LRP2: variants seen among roughly 807,000 people sequenced by gnomAD.
The protein encoded by LRP2 is LDL receptor related protein 2.
In LRP2, 172 loss-of-function variants were observed where a neutral mutation model predicts 531.0. The observed-to-expected ratio is 0.32, with a 90% CI of 0.29 to 0.37. The LOEUF is 0.37. LRP2 is among the 10% of genes least tolerant of loss of function. The pLI, the probability that LRP2 is intolerant of heterozygous loss-of-function variation, is 1.00. For missense variants in LRP2, 5,167 were observed against 5,868.3 expected (o/e 0.88, Z 3.90); for synonymous variants, 1,992 against 2,027.6 (o/e 0.98, Z 0.47).
At position 169,206,651 on chromosome 2, in the gene LRP2, A is replaced by G; in HGVS notation, c.7069T>C (p.Cys2357Arg). 1 of 1,614,176 alleles carries G rather than the reference A, an allele frequency of 6.2e-7. No individual in the cohort carries two copies. The highest frequency in any genetic ancestry group is 8.5e-7 in the Non-Finnish European group (1 of 1,180,024). Residue 2357 changes from cysteine (C) to arginine (R), a missense_variant, in exon 39 of 79, where the codon TGC becomes CGC. Cys to Arg is a radical substitution (Grantham distance 180, BLOSUM62 -3). This residue lies in a region of LRP2 where 2,811 missense variants were observed against 3,058.0 expected (regional missense o/e 0.92). Transcript: ENST00000649046. The stretch of plus-strand genomic sequence containing the variant: ...GTGTGCAATCCAGGCAGAGCAAAGC[A>G]GAGATGAGAGCACCCACCATTGTTT... ...LENNGGCSHL[C>R]FALPGLHTPK...
chr2:169,288,398 A>G (rs1683912301), intron 9 of LRP2, among the ~76,000 whole-genome samples: 1 of 152,226 alleles, frequency 6.6e-6, no homozygotes, highest in Non-Finnish European at 1.5e-5. Context: ...TGTCTAGTTT[A>G]ATGCCAGCCA....
intron 21 of LRP2, among the ~76,000 whole-genome samples, chr2:169,245,653 GC>G (rs1382265072): frequency 6.6e-6 from 1 of 151,512 alleles, no homozygotes; most frequent in African/African-American, 2.4e-5. Flanking sequence ...TGTTTATTAG[GC>G]CCCAAACTAT....
At chr2:169,153,382 A>G (rs1281795472) in intron 66 of LRP2, among the ~76,000 whole-genome samples, 1 of 152,210 alleles carries the variant, frequency 6.6e-6, no homozygotes, top group African/African-American at 2.4e-5. Flanking sequence ...CCTATTTTAT[A>G]TACAGACAGA....
Position 169,296,013 on chromosome 2 carries a change from A to T in LRP2, c.428-1303T>A, listed in dbSNP as rs113011327. ...TGAGATTTTATAGAGATATAAATAT[A>T]TTGAAGATAATTCTTTGGATAGTCC... On this transcript the variant is annotated intron_variant, in intron 4 of 78. Coordinates refer to ENST00000649046, the MANE Select transcript of LRP2 (RefSeq NM_004525.3). Among the ~76,000 whole-genome samples the T allele has an allele frequency of 6.8e-3, 1,039 of 152,246 alleles. 6 individuals are homozygous for T. Among genetic ancestry groups the T allele is most frequent in the Non-Finnish European group, 8.5e-3 (581 of 68,016 alleles).
At chr2:169,200,533 G>T in intron 44 of LRP2, among the ~76,000 whole-genome samples, 1 of 151,888 alleles carries the variant, frequency 6.6e-6, no homozygotes, top group East Asian at 1.9e-4. Flanking sequence ...TGGACAACTG[G>T]GCACCAAGAA....
chr2:169,199,236 T>A (rs1242875535), intron 44 of LRP2, among the ~76,000 whole-genome samples: 2 of 152,234 alleles, frequency 1.3e-5, no homozygotes, highest in East Asian at 3.8e-4. Flanking sequence ...TGGAGTAATA[T>A]GTAGCTATTA....
chr2:169,343,068 T>G (rs1041502228), intron 1 of LRP2, among the ~76,000 whole-genome samples: 2 of 152,168 alleles, frequency 1.3e-5, no homozygotes, highest in African/African-American at 4.8e-5. Flanking sequence ...ACATCTGACC[T>G]CCACTCAGAC....
intron 6 of LRP2, among the ~76,000 whole-genome samples, chr2:169,292,898 G>GA (rs1438609775): frequency 1.3e-5 from 2 of 149,274 alleles, no homozygotes; most frequent in African/African-American, 2.5e-5. Flanking sequence ...GCACAGAACA[G>GA]AAAATGCAGA....
intron 68 of LRP2, 127 bp from the exon 69 acceptor site, chr2:169,147,086 C>T (rs1473395659): frequency 2.7e-6 from 2 of 747,622 alleles, no homozygotes; most frequent in Non-Finnish European, 4.7e-6. Context: ...TCAGTGACAC[C>T]AGTTTTATAT....
intron 70 of LRP2, among the ~76,000 whole-genome samples, chr2:169,143,182 C>T (rs944766552): frequency 6.6e-6 from 1 of 152,154 alleles, no homozygotes; most frequent in African/African-American, 2.4e-5. Flanking sequence ...TTTGTCACTA[C>T]CCAAAACTGG....
chr2:169,233,910 T>G (rs1689506025), intron 29 of LRP2, among the ~76,000 whole-genome samples: 1 of 152,092 alleles, frequency 6.6e-6, no homozygotes, highest in Non-Finnish European at 1.5e-5. Flanking sequence ...CACCTACTAG[T>G]TAAAAGTTAG....
Position 169,209,453 on chromosome 2 carries a change from C to T in LRP2, c.6469G>A (p.Gly2157Arg), listed in dbSNP as rs769830564. 9 of 1,613,666 alleles carry T rather than the reference C, an allele frequency of 5.6e-6. No individual in the cohort carries two copies. The highest frequency in any genetic ancestry group is 2.7e-5 in the African/African-American group (2 of 74,882). The change falls in exon 38 of 79, where the codon GGA becomes AGA. Residue 2157 changes from glycine to arginine, a missense_variant and splice_region_variant. By Grantham distance (125) the Gly-to-Arg change is moderately radical. This residue lies in a region of LRP2 where 2,811 missense variants were observed against 3,058.0 expected (regional missense o/e 0.92). Transcript: ENST00000649046. ...VRGIAVDWVA[G>R]NLYFTNAFVS... ...TAAAATCACCATATAGCTTACATAC[C>T]TGCTACCCAATCCACTGCAATACCC... is the stretch of plus-strand genomic sequence containing the variant.
At chr2:169,231,623 G>T (rs1202181614) in intron 31 of LRP2, 91 bp downstream of exon 31, 103 of 1,497,778 alleles carry the variant, frequency 6.9e-5, no homozygotes, top group Non-Finnish European at 8.5e-5. Context: ...CACAGCACAT[G>T]TTCAGTCGCA....
At chr2:169,226,041 T>A (rs530080349) in intron 32 of LRP2, among the ~76,000 whole-genome samples, 19 of 152,288 alleles carry the variant, frequency 1.2e-4, no homozygotes, top group Non-Finnish European at 1.9e-4. Flanking sequence ...TTTATATTCG[T>A]CGAATATTTT....
intron 58 of LRP2, among the ~76,000 whole-genome samples, chr2:169,171,593 C>T (rs936689076): frequency 2.0e-5 from 3 of 152,154 alleles, no homozygotes; most frequent in Admixed American, 6.5e-5. Context: ...CCTATGAAGG[C>T]CATTTTGGGG....
chr2:169,335,068 G>A (rs558300649), intron 1 of LRP2, among the ~76,000 whole-genome samples: 10 of 152,248 alleles, frequency 6.6e-5, no homozygotes, highest in East Asian at 5.8e-4. Flanking sequence ...CCCAGTCTTC[G>A]GTCAAGGGCA....
At position 169,128,284 on chromosome 2, in the gene LRP2, C is replaced by T. The variant is rs892657844; in HGVS notation, c.*379G>A. ...ATGAGTGGTGCCTCTTCTTTAGACA[C>T]GGCTAAAGGTCCCCAGTCAATTCCT... On this transcript the variant is annotated 3_prime_UTR_variant, in exon 79 of 79. Transcript: ENST00000649046. 13 of 194,080 alleles carry T rather than the reference C, an allele frequency of 6.7e-5. 1 individual carries two copies. The highest frequency in any genetic ancestry group is 5.9e-4 in the East Asian group (4 of 6,728). The allele number at this position is 194,080 out of a possible 1,614,324, so 12.0% of individuals were successfully genotyped here.
chr2:169,327,762 G>T (rs1283541246), intron 1 of LRP2, among the ~76,000 whole-genome samples: 1 of 122,516 alleles, frequency 8.2e-6, no homozygotes, highest in African/African-American at 3.1e-5. Context: ...AGGTGGGGGG[G>T]TCAGCCCCCC....
chr2:169,216,255 C>T lies in LRP2; in HGVS notation c.5824G>A (p.Val1942Met). The T allele has an allele frequency of 1.2e-6, 2 of 1,613,384 alleles. No homozygotes were observed. ...KLYWAVTGRG[V>M]IERGNVDGTD... The stretch of plus-strand genomic sequence containing the variant: ...AAAGACTGAAAGGGTGCTCATACCA[C>T]TCCTCTTCCAGTGACTGCCCAGTAG... The change falls in exon 35 of 79, where the codon GTG becomes ATG. Residue 1942 changes from valine (V) to methionine (M), a missense_variant and splice_region_variant. By Grantham distance (21) the Val-to-Met change is conservative (BLOSUM62 1). This residue lies in a region of LRP2 where 2,811 missense variants were observed against 3,058.0 expected (regional missense o/e 0.92). Transcript: ENST00000649046.
Sources: allele counts gnomAD v4.1 joint callset (sites outside exome capture counted in the v4.1 genomes callset), GRCh38; gene constraint gnomAD v4.1.1; regional missense constraint gnomAD v4.1.1; transcripts MANE v1.5; gene names NCBI Gene and HGNC (gene_info 2026-07-23, HGNC 2026-07-21).